Variants in DOCK3 observed in about 807,000 individuals in gnomAD.
DOCK3 encodes dedicator of cytokinesis 3.
In DOCK3, 60 loss-of-function variants were observed where a neutral mutation model predicts 265.6. The ratio of observed to expected loss-of-function variants is 0.23; its 90% CI spans 0.18 to 0.28. The LOEUF (loss-of-function observed/expected upper bound fraction) is 0.28, where lower values mean the gene tolerates loss of function less well. DOCK3 is among the 10% of genes least tolerant of loss of function. The pLI, the probability that DOCK3 is intolerant of heterozygous loss-of-function variation, is 1.00. For synonymous variants in DOCK3, 881 were observed against 938.0 expected (o/e 0.94, Z 1.11); for missense variants, 1,981 against 2,594.3 (o/e 0.76, Z 5.14).
At chr3:51,067,461 G>GCA (rs2081641209) in intron 6 of DOCK3, among the ~76,000 whole-genome samples, 3 of 151,804 alleles carry the variant, frequency 2.0e-5, no homozygotes, top group African/African-American at 7.3e-5. Flanking sequence ...GTGTGTGCGC[G>GCA]CGCGTTGGAG....
chr3:51,362,267 C>T (rs2086792311), intron 48 of DOCK3, among the ~76,000 whole-genome samples: 1 of 152,190 alleles, frequency 6.6e-6, no homozygotes, highest in Non-Finnish European at 1.5e-5. Context: ...CCAGATTGCC[C>T]CCTTGCCTGG....
intron 2 of DOCK3, 41 bp from the exon 3 acceptor site, chr3:50,841,634 A>G: frequency 2.0e-6 from 2 of 1,003,184 alleles, no homozygotes; most frequent in South Asian, 2.5e-5. Context: ...CTTATTGAAC[A>G]TGACATTGTG....
At chr3:51,055,555 G>A (rs900297635) in intron 5 of DOCK3, among the ~76,000 whole-genome samples, 60 of 152,134 alleles carry the variant, frequency 3.9e-4, no homozygotes, top group Admixed American at 3.9e-3. Context: ...TGGACACATC[G>A]AGGACTGACT....
At chr3:50,989,526 G>A (rs567299675) in intron 5 of DOCK3, among the ~76,000 whole-genome samples, 4 of 152,256 alleles carry the variant, frequency 2.6e-5, no homozygotes, top group South Asian at 2.1e-4. Flanking sequence ...ATTACATCCC[G>A]AAGCTTCAAC....
intron 5 of DOCK3, among the ~76,000 whole-genome samples, chr3:50,983,205 G>A (rs57378417): frequency 0.095 from 14,479 of 152,138 alleles, 860 homozygotes; most frequent in Non-Finnish European, 0.12. Flanking sequence ...GGCTGAGGGC[G>A]GCTCTGGTGC....
At chr3:51,239,591 T>G (rs1307474464) in intron 21 of DOCK3, among the ~76,000 whole-genome samples, 6 of 150,158 alleles carry the variant, frequency 4.0e-5, no homozygotes, top group East Asian at 1.9e-4. Flanking sequence ...GTTTTTTTTG[T>G]TTTTTTTTAG....
At chr3:51,049,868 A>G (rs2080928102) in intron 5 of DOCK3, among the ~76,000 whole-genome samples, 1 of 151,688 alleles carries the variant, frequency 6.6e-6, no homozygotes, top group East Asian at 1.9e-4. Context: ...TGCATTTTGT[A>G]AAGTTGCAGG....
In DOCK3 at chr3:51,359,312, GA is replaced by G. The variant is rs111796317; in HGVS notation, c.4885-1197del. ...TGTGGACAGCATGAAAAGAGAAAAA[GA>G]AGCTTGTTGTAGTTTGAGAGGTAGG... On this transcript the variant is annotated intron_variant, in intron 46 of 52. Coordinates refer to ENST00000266037, the MANE Select transcript of DOCK3 (RefSeq NM_004947.5). The surrounding 1 kb of genome is among the most constrained non-coding windows in gnomAD (Gnocchi z 4.8). 0.036 allele frequency among the ~76,000 whole-genome samples: 5,543 copies of G among 152,308 alleles called. 172 individuals are homozygous for G. The highest frequency in any genetic ancestry group is 0.085 in the African/African-American group (3,538 of 41,544).
intron 10 of DOCK3, among the ~76,000 whole-genome samples, chr3:51,147,882 T>C (rs1299293731): frequency 6.6e-6 from 1 of 152,208 alleles, no homozygotes; most frequent in Non-Finnish European, 1.5e-5. Context: ...GGTCAAATGG[T>C]ATTTCTAGTT....
chr3:51,351,201 C>G (rs1393913265), intron 40 of DOCK3, among the ~76,000 whole-genome samples: 3 of 152,164 alleles, frequency 2.0e-5, no homozygotes, highest in Non-Finnish European at 4.4e-5. Context: ...TGTGTGGGCC[C>G]TGGAGCAGTT....
rs923193481 is a variant in DOCK3, at chr3:51,227,567, C to G, written c.1540+122C>G. ...AAAATGAAGAGTTAGGAATAAACAG[C>G]TACTCAGAGATGGGATGTCACCAGA... On this transcript the variant is annotated intron_variant, in intron 16 of 52. Coordinates refer to ENST00000266037, the MANE Select transcript of DOCK3 (RefSeq NM_004947.5). 8 of 1,391,060 alleles carry G rather than the reference C, an allele frequency of 5.8e-6. No homozygotes were observed. In the African/African-American group the frequency reaches 1.0e-4, roughly 18 times the overall value. 86.2% of individuals were successfully genotyped at this position (1,391,060 alleles called of 1,614,324 possible).
chr3:51,339,378 A>G (rs1354954276), intron 37 of DOCK3, among the ~76,000 whole-genome samples: 1 of 152,174 alleles, frequency 6.6e-6, no homozygotes, highest in Non-Finnish European at 1.5e-5. Flanking sequence ...ATGAACAGAG[A>G]GCCTTTTTTA....
chr3:51,118,963 G>A (rs2106684717), intron 9 of DOCK3, among the ~76,000 whole-genome samples: 1 of 152,190 alleles, frequency 6.6e-6, no homozygotes, highest in East Asian at 1.9e-4. Flanking sequence ...GGGGCATTTA[G>A]CCCATTTACA....
chr3:50,745,678 A>G (rs1178611462), intron 1 of DOCK3, among the ~76,000 whole-genome samples: 2 of 152,226 alleles, frequency 1.3e-5, no homozygotes, highest in East Asian at 1.9e-4. Flanking sequence ...CAGCTGCTTC[A>G]GGAATATGAG....
At chr3:51,170,470 G>A (rs777132956) in intron 12 of DOCK3, among the ~76,000 whole-genome samples, 1 of 151,916 alleles carries the variant, frequency 6.6e-6, no homozygotes. Context: ...ATCTTGGTAA[G>A]TTGTATGTTT....
At chr3:51,103,688 C>T (rs1030688824) in intron 9 of DOCK3, among the ~76,000 whole-genome samples, 2 of 152,196 alleles carry the variant, frequency 1.3e-5, no homozygotes, top group African/African-American at 2.4e-5. Flanking sequence ...TAGTAAAATA[C>T]CTCTGCCTTC....
In DOCK3 at chr3:51,312,837, T is replaced by C. The variant is rs759522580; in HGVS notation, c.3195-7T>C. On this transcript the variant is annotated splice_region_variant and splice_polypyrimidine_tract_variant and intron_variant, in intron 30 of 52. Coordinates refer to ENST00000266037, the MANE Select transcript of DOCK3 (RefSeq NM_004947.5). ...CTAACGGTTGGCTCCTGTGTTACTA[T>C]TCTTAGGTATGGGGACATGCGTGTA... 1 of 1,608,882 alleles carries C rather than the reference T, an allele frequency of 6.2e-7. No individual in the cohort carries two copies. The highest frequency in any genetic ancestry group is 2.2e-5 in the East Asian group (1 of 44,814).
chr3:51,012,126 G>A (rs1486980983), intron 5 of DOCK3, among the ~76,000 whole-genome samples: 3 of 152,096 alleles, frequency 2.0e-5, no homozygotes, highest in Admixed American at 2.0e-4. Flanking sequence ...CTCCATGCTG[G>A]GAGAACCACT....
intron 5 of DOCK3, among the ~76,000 whole-genome samples, chr3:50,969,229 A>T (rs554934423): frequency 4.0e-4 from 60 of 151,840 alleles, no homozygotes; most frequent in African/African-American, 1.3e-3. Context: ...TTATATAATG[A>T]CCTCCTTTAT....
Sources: allele counts gnomAD v4.1 joint callset (sites outside exome capture counted in the v4.1 genomes callset), GRCh38; gene constraint gnomAD v4.1.1; non-coding constraint Gnocchi (gnomAD v3.1); transcripts MANE v1.5; gene names NCBI Gene and HGNC (gene_info 2026-07-23, HGNC 2026-07-21).